Variants in ADARB2 observed in about 807,000 individuals in gnomAD.
ADARB2 encodes the protein adenosine deaminase RNA specific B2 (inactive).
ADARB2 carries 25 observed loss-of-function variants against 62.2 expected under a neutral mutation model. That is an observed-to-expected ratio of 0.40 (90% confidence interval 0.29 to 0.56). ADARB2 has a LOEUF of 0.56. Ranked by LOEUF, ADARB2 falls within the 20% of genes least tolerant of loss-of-function variation. ADARB2 has a pLI of 0.43. For synonymous variants in ADARB2, 572 were observed against 500.8 expected (o/e 1.14, Z -1.90); for missense variants, 1,071 against 1,077.4 (o/e 0.99, Z 0.08).
intron 1 of ADARB2, among the ~76,000 whole-genome samples, chr10:1,665,336 A>C (rs1834302085): frequency 6.6e-6 from 1 of 152,226 alleles, no homozygotes; most frequent in African/African-American, 2.4e-5. Context: ...GTGCGCAGAC[A>C]CTGAGCGTGG....
At position 1,280,339 on chromosome 10, in the gene ADARB2, T is replaced by TG. The variant is rs1831358808; in HGVS notation, c.1078-9271dup. Among the ~76,000 whole-genome samples, 5 of 152,204 alleles carry TG rather than the reference T, an allele frequency of 3.3e-5. No individual in the cohort carries two copies. In the South Asian group the frequency reaches 1.0e-3, roughly 31 times the overall value. ...GAACCCATGTCATGTGTTAGCCTGG[T>TG]GGGTACACCTTAGGGGCAGGCACCA... On this transcript the variant is annotated intron_variant, in intron 3 of 9. Coordinates refer to ENST00000381312, the MANE Select transcript of ADARB2 (RefSeq NM_018702.4).
rs765549855 is a variant in ADARB2 at position 1,737,041 on chromosome 10, C to A, written c.100+10G>T. 6 of 1,609,430 alleles carry A rather than the reference C, an allele frequency of 3.7e-6. No individual in the cohort carries two copies. Among genetic ancestry groups the A allele is most frequent in the South Asian group, 3.3e-5 (3 of 91,084 alleles). On this transcript the variant is annotated intron_variant, in intron 1 of 9. Transcript: ENST00000381312. ...GGGGGGCAGGGGCCGGCGCGCCACG[C>A]GGTCCTTACCTTTCCGCTTGGACCT...
chr10:1,544,956 T>TACACACACACACACACACAC (rs1554770300), intron 1 of ADARB2, among the ~76,000 whole-genome samples: 3,371 of 133,786 alleles, frequency 0.025, 62 homozygotes, highest in Non-Finnish European at 0.032. Context: ...TAGCAAAGTA[T>TACACACACACACACACACAC]ACACACACAC....
In ADARB2 at chr10:1,544,682, T is replaced by C. The variant is rs562435335; in HGVS notation, c.101-165522A>G. Among the ~76,000 whole-genome samples the C allele has an allele frequency of 3.3e-5, 5 of 152,156 alleles. No homozygotes were observed. The East Asian group carries it at 7.8e-4, about 24-fold the overall frequency. On this transcript the variant is annotated intron_variant, in intron 1 of 9. Coordinates refer to ENST00000381312, the MANE Select transcript of ADARB2 (RefSeq NM_018702.4). ...TAGGAGGCGGGTATAGTCAATGCGA[T>C]GTGTAATGTGTACATACAGTGTGAA... is the stretch of plus-strand genomic sequence containing the variant.
chr10:1,508,958 C>T (rs978448201), intron 1 of ADARB2, among the ~76,000 whole-genome samples: 2 of 152,176 alleles, frequency 1.3e-5, no homozygotes, highest in Admixed American at 6.5e-5. Context: ...TCTGGCCCAG[C>T]GGTCCCTGGG....
intron 1 of ADARB2, among the ~76,000 whole-genome samples, chr10:1,510,110 C>CTCTTTCTCTCTCTCTTTCTTTCTTTCTT (rs1554767638): frequency 9.4e-6 from 1 of 106,184 alleles, no homozygotes; most frequent in African/African-American, 3.6e-5. Flanking sequence ...CTTTCTTTCT[C>CTCTTTCTCTCTCTCTTTCTTTCTTTCTT]TCTTTCTTTC....
intron 1 of ADARB2, among the ~76,000 whole-genome samples, chr10:1,638,266 A>G (rs73578000): frequency 6.9e-4 from 105 of 152,340 alleles, no homozygotes; most frequent in African/African-American, 2.4e-3. Flanking sequence ...ATTAACAATG[A>G]GCTTTGATTG....
chr10:1,457,304 A>G (rs957004399), intron 1 of ADARB2, among the ~76,000 whole-genome samples: 4 of 152,148 alleles, frequency 2.6e-5, no homozygotes, highest in African/African-American at 7.2e-5. Context: ...ATTGAGACAC[A>G]CCAGTGTCCA....
chr10:1,351,143 A>G (rs1251316411), intron 3 of ADARB2, among the ~76,000 whole-genome samples: 9 of 151,952 alleles, frequency 5.9e-5, no homozygotes. Flanking sequence ...CCTGGCTGCC[A>G]CTCCCAGAGC....
intron 1 of ADARB2, among the ~76,000 whole-genome samples, chr10:1,699,119 G>A (rs1361936725): frequency 1.3e-5 from 2 of 152,258 alleles, no homozygotes; most frequent in East Asian, 1.9e-4. Context: ...GATTTTAAGC[G>A]TTATCAAATT....
intron 1 of ADARB2, among the ~76,000 whole-genome samples, chr10:1,694,913 G>T (rs1183383171): frequency 6.6e-6 from 1 of 152,082 alleles, no homozygotes; most frequent in East Asian, 1.9e-4. Context: ...GCATCCTGGG[G>T]CTCCTTTTCA....
At chr10:1,694,795 G>A (rs10903542) in intron 1 of ADARB2, among the ~76,000 whole-genome samples, 5,609 of 152,254 alleles carry the variant, frequency 0.037, 194 homozygotes, top group East Asian at 0.16. Flanking sequence ...GCCGAGGGAG[G>A]GAGGGTTATG....
At chr10:1,613,508 T>C (rs571357112) in intron 1 of ADARB2, among the ~76,000 whole-genome samples, 16 of 152,172 alleles carry the variant, frequency 1.1e-4, no homozygotes, top group African/African-American at 3.9e-4. Flanking sequence ...CTGTGCAGAG[T>C]TTCCAGCAAC....
At chr10:1,510,170 T>TTCTTTC (rs10655123) in intron 1 of ADARB2, among the ~76,000 whole-genome samples, 1 of 76,198 alleles carries the variant, frequency 1.3e-5, no homozygotes, top group Non-Finnish European at 2.8e-5. Flanking sequence ...CTTTCTTTCT[T>TTCTTTC]TTTCTTTCTT....
chr10:1,623,823 T>C lies in ADARB2; in HGVS notation c.100+113228A>G, dbSNP rs1875007. On this transcript the variant is annotated intron_variant, in intron 1 of 9. Coordinates refer to ENST00000381312, the MANE Select transcript of ADARB2 (RefSeq NM_018702.4). ...CTTATTAGAGACCCACAGCATTTAA[T>C]CCTCAAACAGCCCCTTCAGTAGGCA... Among the ~76,000 whole-genome samples, 73 of 152,358 alleles carry C rather than the reference T, an allele frequency of 4.8e-4. No individual in the cohort carries two copies. The South Asian group carries it at 0.015, about 32-fold the overall frequency.
chr10:1,580,070 C>T (rs979348475), intron 1 of ADARB2, among the ~76,000 whole-genome samples: 1 of 152,226 alleles, frequency 6.6e-6, no homozygotes, highest in Non-Finnish European at 1.5e-5. Flanking sequence ...CTGAACAGTG[C>T]CCCCGAATTG....
chr10:1,352,100 C>G (rs1311843597), intron 3 of ADARB2, among the ~76,000 whole-genome samples: 1 of 152,064 alleles, frequency 6.6e-6, no homozygotes, highest in African/African-American at 2.4e-5. Flanking sequence ...TGCCGCAAAG[C>G]TTCACAGACA....
In ADARB2 at chr10:1,363,264, C is replaced by T. The variant is rs1439011976; in HGVS notation, c.841G>A (p.Val281Met). 13 of 1,288,632 alleles carry T rather than the reference C, an allele frequency of 1.0e-5. No homozygotes were observed. The highest frequency in any genetic ancestry group is 1.3e-5 in the Non-Finnish European group (13 of 1,016,254). The allele number at this position is 1,288,632 out of a possible 1,614,324, so 79.8% of individuals were successfully genotyped here. Reference sequence around the variant, plus strand: ...CCGGCGCGCAGGCGGTTCAGCAGCACCACGGGGTTGCGCTCGCCCGGGGCC... The same window carrying T: ...CCGGCGCGCAGGCGGTTCAGCAGCATCACGGGGTTGCGCTCGCCCGGGGCC... ...PAAPGERNPV[V>M]LLNRLRAGLR... Residue 281 changes from valine (V) to methionine (M), a missense_variant, in exon 3 of 10, where the codon GTG becomes ATG. By Grantham distance (21) the Val-to-Met change is conservative. Transcript: ENST00000381312.
chr10:1,567,760 G>A (rs764369115), intron 1 of ADARB2, among the ~76,000 whole-genome samples: 3 of 152,182 alleles, frequency 2.0e-5, no homozygotes, highest in Non-Finnish European at 4.4e-5. Flanking sequence ...TCCTCACAAG[G>A]ATTCGTCCAC....
Sources: allele counts gnomAD v4.1 joint callset (sites outside exome capture counted in the v4.1 genomes callset), GRCh38; gene constraint gnomAD v4.1.1; transcripts MANE v1.5; gene names NCBI Gene and HGNC (gene_info 2026-07-23, HGNC 2026-07-21).